Variants in ITGAL observed in about 807,000 individuals in gnomAD.
ITGAL encodes integrin alpha-L.
ITGAL carries 68 observed loss-of-function variants against 138.4 expected under a neutral mutation model. The ratio of observed to expected loss-of-function variants is 0.49; its 90% CI spans 0.40 to 0.60. The LOEUF (loss-of-function observed/expected upper bound fraction) is 0.60, where lower values mean the gene tolerates loss of function less well. Ranked by LOEUF, ITGAL falls within the 20% of genes least tolerant of loss-of-function variation. The pLI, the probability that ITGAL is intolerant of heterozygous loss-of-function variation, is 0.00. For synonymous variants in ITGAL, 561 were observed against 584.3 expected (o/e 0.96, Z 0.57); for missense variants, 1,256 against 1,478.6 (o/e 0.85, Z 2.47).
intron 21 of ITGAL, among the ~76,000 whole-genome samples, chr16:30,509,665 C>T (rs1167396335): frequency 6.6e-6 from 1 of 152,064 alleles, no homozygotes; most frequent in Non-Finnish European, 1.5e-5. Context: ...ACTGCAGCCT[C>T]AAACTCCTGG....
In ITGAL at chr16:30,481,448, G is replaced by C. The variant is rs2050559226; in HGVS notation, c.586G>C (p.Val196Leu). The C allele has an allele frequency of 6.2e-7, 1 of 1,609,234 alleles. No homozygotes were observed. ...TTCCTTCCTTTTCTAGTTTGCTGCT[G>C]TTCAGTTTTCCACAAGCTACAAAAC... ...LSNTSYQFAA[V>L]QFSTSYKTEF... is the part of the protein sequence containing the mutation. Residue 196 changes from valine (V) to leucine (L), a missense_variant, in exon 7 of 31, where the codon GTT becomes CTT. Coordinates refer to ENST00000356798, the MANE Select transcript of ITGAL (RefSeq NM_002209.3).
At position 30,506,761 on chromosome 16, in the gene ITGAL, C is replaced by A; in HGVS notation, c.2413C>A (p.Leu805Met). The A allele has an allele frequency of 3.1e-6, 5 of 1,613,858 alleles. No homozygotes were observed. The highest frequency in any genetic ancestry group is 4.2e-6 in the Non-Finnish European group (5 of 1,179,878). ...LTAFASLSVE[L>M]SLSNLEEDAY... ...TGCTTTTGCCAGCCTCTCTGTGGAGCTGAGCCTGAGTAACTTGGAAGAAGA... is the reference window on the plus strand; with the variant it reads ...TGCTTTTGCCAGCCTCTCTGTGGAGATGAGCCTGAGTAACTTGGAAGAAGA... The change falls in exon 21 of 31, where the codon CTG (leucine) becomes ATG (methionine). Residue 805 changes from leucine (L) to methionine (M), a missense_variant. Physicochemically the swap from Leu to Met is conservative, Grantham distance 15 (BLOSUM62 2). Transcript: ENST00000356798.
intron 11 of ITGAL, among the ~76,000 whole-genome samples, chr16:30,492,711 C>T (rs1228735303): frequency 6.6e-6 from 1 of 151,738 alleles, no homozygotes; most frequent in Non-Finnish European, 1.5e-5. Context: ...TGCCCGCCAC[C>T]ATGCCCAGCT....
intron 14 of ITGAL, 70 bp from the exon 15 acceptor site, chr16:30,496,366 C>T: frequency 6.2e-7 from 1 of 1,611,130 alleles, no homozygotes; most frequent in Non-Finnish European, 8.5e-7. Context: ...ACCCCACTCC[C>T]CAGCCCGATC....
intron 9 of ITGAL, among the ~76,000 whole-genome samples, chr16:30,487,659 G>A (rs1273558585): frequency 1.3e-5 from 2 of 150,646 alleles, no homozygotes; most frequent in East Asian, 1.9e-4. Context: ...TAATCTGCCC[G>A]CCTTGGCCTC....
chr16:30,506,838 C>T lies in ITGAL; in HGVS notation c.2490C>T (p.Arg830=). ...ACTTCCCCCCGGGACTCTCCTTCCG[C>T]AAGGTGGAGATGCTGAAGGTGGGTG... is the stretch of plus-strand genomic sequence containing the variant. ...DLHFPPGLSF[R]KVEMLKPHSQ... The change falls in exon 21 of 31, where the codon CGC becomes CGT. Residue 830 remains arginine, a synonymous_variant. Coordinates refer to ENST00000356798, the MANE Select transcript of ITGAL (RefSeq NM_002209.3). The T allele has an allele frequency of 6.2e-7, 1 of 1,613,906 alleles. No individual in the cohort carries two copies. Among genetic ancestry groups the T allele is most frequent in the East Asian group, 2.2e-5 (1 of 44,864 alleles).
At chr16:30,516,569 G>C (rs1470879878) in intron 25 of ITGAL, among the ~76,000 whole-genome samples, 1 of 152,106 alleles carries the variant, frequency 6.6e-6, no homozygotes. Flanking sequence ...GAGTAAGAAT[G>C]GCTCCTGTCC....
chr16:30,498,782 T>C (rs996174391), intron 15 of ITGAL: 3 of 290,152 alleles, frequency 1.0e-5, no homozygotes, highest in African/African-American at 6.5e-5. Flanking sequence ...ATGCCTGTGG[T>C]CCCAGATCCT....
intron 24 of ITGAL, among the ~76,000 whole-genome samples, chr16:30,511,978 A>C (rs2051097826): frequency 6.6e-6 from 1 of 152,236 alleles, no homozygotes. Flanking sequence ...GTTAAGATCA[A>C]GAGGTAACTT....
At position 30,516,970 on chromosome 16, in the gene ITGAL, C is replaced by T; in HGVS notation, c.2863-3C>T. 1 of 1,606,960 alleles carries T rather than the reference C, an allele frequency of 6.2e-7. No individual in the cohort carries two copies. Among genetic ancestry groups the T allele is most frequent in the Non-Finnish European group, 8.5e-7 (1 of 1,173,654 alleles). On this transcript the variant is annotated splice_region_variant and splice_polypyrimidine_tract_variant and intron_variant, in intron 25 of 30. Coordinates refer to ENST00000356798, the MANE Select transcript of ITGAL (RefSeq NM_002209.3). ...GCTCTGCATCCCTTGTCCTCTGTGCCAGGTGAGGATCCAGCCTTCCATCCA... is the reference window on the plus strand; with the variant it reads ...GCTCTGCATCCCTTGTCCTCTGTGCTAGGTGAGGATCCAGCCTTCCATCCA...
Position 30,472,818 on chromosome 16 carries a change from G to A in ITGAL, c.-20G>A, listed in dbSNP as rs202078829. The A allele has an allele frequency of 6.0e-5, 96 of 1,611,182 alleles. No individual in the cohort carries two copies. Among genetic ancestry groups the A allele is most frequent in the Middle Eastern group, 1.7e-4 (1 of 6,056 alleles). The stretch of plus-strand genomic sequence containing the variant: ...CCTGACGCTGCCCCTGGGGCCACAG[G>A]TCCCTCGAGTGCTGGAAGGATGAAG... On this transcript the variant is annotated 5_prime_UTR_variant, in exon 1 of 31. Transcript: ENST00000356798.
intron 16 of ITGAL, 46 bp downstream of exon 16, chr16:30,499,280 C>T: frequency 6.2e-7 from 1 of 1,613,090 alleles, no homozygotes; most frequent in Non-Finnish European, 8.5e-7. Context: ...GCCCCAAATC[C>T]AGGCTTATGG....
At chr16:30,509,718 G>A (rs1050294965) in intron 21 of ITGAL, among the ~76,000 whole-genome samples, 5 of 152,082 alleles carry the variant, frequency 3.3e-5, no homozygotes, top group East Asian at 3.9e-4. Context: ...CAACAGGCAC[G>A]CCCCACTATG....
intron 9 of ITGAL, among the ~76,000 whole-genome samples, chr16:30,488,081 G>T (rs919590092): frequency 6.6e-6 from 1 of 151,944 alleles, no homozygotes; most frequent in Non-Finnish European, 1.5e-5. Context: ...AGTAGTCCCA[G>T]CTACTTGGGA....
intron 9 of ITGAL, among the ~76,000 whole-genome samples, chr16:30,486,124 G>A (rs905210490): frequency 4.6e-5 from 7 of 152,154 alleles, no homozygotes; most frequent in Non-Finnish European, 8.8e-5. Context: ...CATTTCCCCA[G>A]GAAGCTTACT....
chr16:30,509,661 G>A (rs1368242365), intron 21 of ITGAL, among the ~76,000 whole-genome samples: 1 of 152,020 alleles, frequency 6.6e-6, no homozygotes, highest in Non-Finnish European at 1.5e-5. Context: ...GCCCACTGCA[G>A]CCTCAAACTC....
At chr16:30,478,451 C>A (rs763521929) in intron 4 of ITGAL, among the ~76,000 whole-genome samples, 10 of 151,576 alleles carry the variant, frequency 6.6e-5, no homozygotes, top group Admixed American at 2.6e-4. Flanking sequence ...GTAATCCCAG[C>A]ACTTTGGGAG....
At chr16:30,498,837 G>A (rs1176901340) in intron 15 of ITGAL, 3 of 436,300 alleles carry the variant, frequency 6.9e-6, no homozygotes, top group Non-Finnish European at 1.2e-5. Context: ...GGAGGCCGAG[G>A]CTGTAGTGAG....
chr16:30,497,068 G>T (rs1352643398), intron 15 of ITGAL, among the ~76,000 whole-genome samples: 2 of 152,136 alleles, frequency 1.3e-5, no homozygotes, highest in Non-Finnish European at 2.9e-5. Context: ...GTGGCAGCTG[G>T]GCACGGTGGC....
Sources: allele counts gnomAD v4.1 joint callset (sites outside exome capture counted in the v4.1 genomes callset), GRCh38; gene constraint gnomAD v4.1.1; transcripts MANE v1.5; gene names NCBI Gene and HGNC (gene_info 2026-07-23, HGNC 2026-07-21).